Variants in AKAP7 observed in about 807,000 individuals in gnomAD.
AKAP7 encodes A-kinase anchoring protein 7.
A neutral mutation model predicts 39.5 loss-of-function variants in AKAP7; 39 were observed. That is an observed-to-expected ratio of 0.99 (90% CI 0.76 to 1.29). The LOEUF (loss-of-function observed/expected upper bound fraction) is 1.29, where lower values mean the gene tolerates loss of function less well. Ranked by LOEUF, AKAP7 falls within the 50% of genes most tolerant of loss-of-function variation. The pLI is 0.00. For missense variants in AKAP7, 414 were observed against 407.7 expected (o/e 1.02, Z -0.13); for synonymous variants, 140 against 139.1 (o/e 1.01, Z -0.05).
chr6:131,169,814 C>T (rs1426736483), intron 5 of AKAP7, among the ~76,000 whole-genome samples: 1 of 152,092 alleles, frequency 6.6e-6, no homozygotes, highest in Admixed American at 6.6e-5. Context: ...TTTATTTTCA[C>T]TTCATTTCAT....
At chr6:131,134,694 C>A (rs1455707155), upstream of AKAP7, among the ~76,000 whole-genome samples, 1 of 152,182 alleles carries the variant, frequency 6.6e-6, no homozygotes, top group African/African-American at 2.4e-5. Context: ...AACTAGTTTG[C>A]CGACTTCTAG....
At chr6:131,177,419 T>TA (rs1339103572) in intron 5 of AKAP7, among the ~76,000 whole-genome samples, 1 of 152,156 alleles carries the variant, frequency 6.6e-6, no homozygotes, top group Non-Finnish European at 1.5e-5. Flanking sequence ...CACTTGCCGA[T>TA]AGAGGAAGCA....
intron 7 of AKAP7, among the ~76,000 whole-genome samples, chr6:131,227,850 A>C (rs1810310235): frequency 1.3e-5 from 2 of 152,130 alleles, no homozygotes; most frequent in African/African-American, 2.4e-5. Context: ...TTGCTTTTTG[A>C]GAATCACCCT....
chr6:131,282,772 AT>A lies in AKAP7; in HGVS notation c.*1052del. 7.7e-6 allele frequency: 4 copies of A among 522,200 alleles called. No individual in the cohort carries two copies. Among genetic ancestry groups the A allele is most frequent in the Non-Finnish European group, 6.6e-6 (2 of 303,868 alleles). 32.3% of individuals were successfully genotyped at this position (522,200 alleles called of 1,614,324 possible). On this transcript the variant is annotated 3_prime_UTR_variant, in exon 8 of 8. Transcript: ENST00000431975. Reference sequence around the variant, plus strand: ...CAAAGAAAATTGATTCTGCCCAATTATTTTTTGAGCTACACTTGTGTTTTAG... The same window carrying A: ...CAAAGAAAATTGATTCTGCCCAATTATTTTTGAGCTACACTTGTGTTTTAG...
intron 7 of AKAP7, among the ~76,000 whole-genome samples, chr6:131,232,249 G>A (rs1411145708): frequency 2.0e-5 from 3 of 152,132 alleles, no homozygotes; most frequent in Admixed American, 2.0e-4. Context: ...GGTATTTCAC[G>A]AGTTATTTGT....
chr6:131,134,737 G>A (rs1231668500), upstream of AKAP7, among the ~76,000 whole-genome samples: 2 of 152,200 alleles, frequency 1.3e-5, no homozygotes, highest in African/African-American at 4.8e-5. Context: ...TTGTGGCTGT[G>A]TAGGGGTCTT....
chr6:131,137,174 C>T lies in AKAP7; in HGVS notation c.19+1392C>T, dbSNP rs1228442246. 2.6e-5 allele frequency among the ~76,000 whole-genome samples: 4 copies of T among 151,848 alleles called. No individual in the cohort carries two copies. In the East Asian group the frequency reaches 7.7e-4, roughly 29 times the overall value. On this transcript the variant is annotated intron_variant, in intron 1 of 7. Coordinates refer to ENST00000431975, the MANE Select transcript of AKAP7 (RefSeq NM_016377.4). ...GTAGAGACGGGGTCTTGCCATGTCACCAAGGCTTGAACTCCTGGGCTCAAG... is the reference window on the plus strand; with the variant it reads ...GTAGAGACGGGGTCTTGCCATGTCATCAAGGCTTGAACTCCTGGGCTCAAG...
chr6:131,265,526 A>G (rs1212350988), intron 7 of AKAP7, among the ~76,000 whole-genome samples: 3 of 152,236 alleles, frequency 2.0e-5, no homozygotes, highest in Non-Finnish European at 2.9e-5. Flanking sequence ...CAACTTTCAC[A>G]GGGATACTGA....
chr6:131,215,559 G>A (rs1809094419), intron 6 of AKAP7, among the ~76,000 whole-genome samples: 1 of 152,206 alleles, frequency 6.6e-6, no homozygotes, highest in Admixed American at 6.5e-5. Flanking sequence ...GTATCAGGAG[G>A]ATGGTGAAAA....
At chr6:131,175,320 A>G (rs934612563) in intron 5 of AKAP7, among the ~76,000 whole-genome samples, 3 of 152,134 alleles carry the variant, frequency 2.0e-5, no homozygotes, top group Non-Finnish European at 4.4e-5. Flanking sequence ...AAAAATATCC[A>G]TATATAAGTG....
At chr6:131,179,293 C>T (rs1157394938) in intron 5 of AKAP7, among the ~76,000 whole-genome samples, 1 of 152,100 alleles carries the variant, frequency 6.6e-6, no homozygotes, top group Non-Finnish European at 1.5e-5. Flanking sequence ...CCTGTCTCAG[C>T]CTCCCGAGTA....
intron 2 of AKAP7, among the ~76,000 whole-genome samples, chr6:131,153,383 T>C (rs1324395413): frequency 2.0e-5 from 3 of 152,216 alleles, no homozygotes; most frequent in Admixed American, 1.3e-4. Flanking sequence ...TTGGTAAAAT[T>C]ATAGAAAACT....
intron 5 of AKAP7, among the ~76,000 whole-genome samples, chr6:131,190,375 A>T (rs1163772810): frequency 1.3e-5 from 2 of 152,202 alleles, no homozygotes. Context: ...GCGGTGGCTC[A>T]TGACTGTAAT....
intron 6 of AKAP7, among the ~76,000 whole-genome samples, chr6:131,202,939 G>A (rs891456446): frequency 5.9e-5 from 9 of 151,988 alleles, no homozygotes; most frequent in African/African-American, 1.9e-4. Flanking sequence ...CAAGTCAGCC[G>A]GCGTACTGGT....
intron 7 of AKAP7, chr6:131,250,211 A>G (rs1447969643): frequency 2.0e-5 from 20 of 1,010,782 alleles, no homozygotes; most frequent in Non-Finnish European, 2.2e-5. Flanking sequence ...TTTCTCGACT[A>G]CCTTTCTTAA....
chr6:131,248,100 A>T (rs1812178271), intron 7 of AKAP7, among the ~76,000 whole-genome samples: 1 of 152,210 alleles, frequency 6.6e-6, no homozygotes, highest in East Asian at 1.9e-4. Context: ...GATGGCAGCT[A>T]GTAGGGCACA....
intron 7 of AKAP7, among the ~76,000 whole-genome samples, chr6:131,260,889 A>C (rs1474405445): frequency 6.6e-6 from 1 of 152,136 alleles, no homozygotes; most frequent in African/African-American, 2.4e-5. Flanking sequence ...CTTAATTTAT[A>C]GTCACTATTA....
chr6:131,160,170 T>C lies in AKAP7; in HGVS notation c.263T>C (p.Phe88Ser), dbSNP rs765743339. 2 of 1,611,192 alleles carry C rather than the reference T, an allele frequency of 1.2e-6. No homozygotes were observed. Among genetic ancestry groups the C allele is most frequent in the African/African-American group, 1.3e-5 (1 of 74,802 alleles). Residue 88 changes from phenylalanine (F) to serine (S), a missense_variant, in exon 3 of 8, where the codon TTC becomes TCC. Coordinates refer to ENST00000431975, the MANE Select transcript of AKAP7 (RefSeq NM_016377.4). ...KKRKDYQPNY[F>S]LSIPITNKEI... is the part of the protein sequence containing the mutation. Reference sequence around the variant, plus strand: ...AGAAAAGATTATCAACCCAACTATTTCCTGTCCATTCCAATCACCAACAAA... The same window carrying C: ...AGAAAAGATTATCAACCCAACTATTCCCTGTCCATTCCAATCACCAACAAA...
chr6:131,135,992 A>C (rs906863739), intron 1 of AKAP7, among the ~76,000 whole-genome samples: 2 of 152,030 alleles, frequency 1.3e-5, no homozygotes, highest in South Asian at 4.1e-4. Flanking sequence ...GTTTTAATGC[A>C]CGCATTGTGG....
Sources: allele counts gnomAD v4.1 joint callset (sites outside exome capture counted in the v4.1 genomes callset), GRCh38; gene constraint gnomAD v4.1.1; transcripts MANE v1.5; gene names NCBI Gene and HGNC (gene_info 2026-07-23, HGNC 2026-07-21).